Variants in LAMC1 observed in about 807,000 individuals in gnomAD.
LAMC1 encodes the protein laminin subunit gamma 1, also known as laminin subunit gamma-1.
Under a neutral mutation model 173.6 loss-of-function variants are expected in LAMC1, and 38 were observed. The ratio of observed to expected loss-of-function variants is 0.22; its 90% CI spans 0.17 to 0.29. LAMC1 has a LOEUF of 0.29. LAMC1 is among the 10% of genes least tolerant of loss of function. LAMC1 has a pLI of 1.00. For synonymous variants in LAMC1, 746 were observed against 749.1 expected, an observed-to-expected ratio of 1.00 and a Z score of 0.07; for missense variants, 1,824 against 2,051.8, an observed-to-expected ratio of 0.89 and a Z score of 2.14.
intron 11 of LAMC1, among the ~76,000 whole-genome samples, chr1:183,119,973 G>C (rs116275554): frequency 0.027 from 4,103 of 151,636 alleles, 206 homozygotes; most frequent in African/African-American, 0.095. Context: ...GTGTTCAAGA[G>C]CAGCCTGGGC....
chr1:183,067,722 C>G (rs1654910895), intron 1 of LAMC1, among the ~76,000 whole-genome samples: 1 of 152,090 alleles, frequency 6.6e-6, no homozygotes, highest in Non-Finnish European at 1.5e-5. Flanking sequence ...AAACTCCTGA[C>G]CTCGTTATCC....
At chr1:183,088,244 CTT>C (rs1214107949) in intron 1 of LAMC1, among the ~76,000 whole-genome samples, 3 of 152,178 alleles carry the variant, frequency 2.0e-5, no homozygotes, top group African/African-American at 7.2e-5. Context: ...AAAATATCGT[CTT>C]GTTTTAGAAT....
At chr1:183,133,261 A>G in intron 21 of LAMC1, 145 bp from the exon 22 acceptor site, 1 of 718,230 alleles carries the variant, frequency 1.4e-6, no homozygotes, top group South Asian at 2.0e-5. Context: ...AATATGCAAA[A>G]TGTTGGTATT....
chr1:183,124,213 C>T (rs1338796155), intron 13 of LAMC1, among the ~76,000 whole-genome samples: 1 of 152,230 alleles, frequency 6.6e-6, no homozygotes, highest in Non-Finnish European at 1.5e-5. Flanking sequence ...AATGGTTCTG[C>T]TCACCCTGTT....
intron 8 of LAMC1, 30 bp downstream of exon 8, chr1:183,116,933 AG>A: frequency 6.3e-7 from 1 of 1,579,732 alleles, no homozygotes; most frequent in Admixed American, 1.8e-5. Flanking sequence ...CCAACCTGTT[AG>A]AACTGTGAGA....
At position 183,121,761 on chromosome 1, in the gene LAMC1, C is replaced by G. The variant is rs151025622; in HGVS notation, c.2029C>G (p.Arg677Gly). ...GGATGATGTCACCCTGGCAAGTGCT[C>G]GTCCTGGGCCTGGAGTCCCTGCAAC... Reference protein sequence around the residue: ...YLDDVTLASARPGPGVPATWV... With the variant: ...YLDDVTLASAGPGPGVPATWV... Residue 677 changes from arginine to glycine, a missense_variant, in exon 12 of 28, where the codon CGT becomes GGT. Arg to Gly is a moderately radical substitution (Grantham distance 125). Transcript: ENST00000258341. 9 of 1,614,122 alleles carry G rather than the reference C, an allele frequency of 5.6e-6. No homozygotes were observed. The highest frequency in any genetic ancestry group is 7.6e-6 in the Non-Finnish European group (9 of 1,179,996).
At chr1:183,141,765 A>C (rs1466425955) in intron 27 of LAMC1, among the ~76,000 whole-genome samples, 1 of 152,226 alleles carries the variant, frequency 6.6e-6, no homozygotes, top group African/African-American at 2.4e-5. Context: ...GACTTTTAAC[A>C]TTAGTCTGAC....
chr1:183,079,544 C>T (rs980366018), intron 1 of LAMC1, among the ~76,000 whole-genome samples: 3 of 152,130 alleles, frequency 2.0e-5, no homozygotes, highest in Non-Finnish European at 2.9e-5. Flanking sequence ...TCACCTTCCT[C>T]AGCCTCCCAA....
At chr1:183,059,468 C>G (rs1447734435) in intron 1 of LAMC1, among the ~76,000 whole-genome samples, 1 of 152,134 alleles carries the variant, frequency 6.6e-6, no homozygotes, top group East Asian at 1.9e-4. Flanking sequence ...TTGCAGTAAG[C>G]CAAGATCATG....
intron 1 of LAMC1, among the ~76,000 whole-genome samples, chr1:183,064,912 G>A (rs748881027): frequency 6.6e-5 from 10 of 152,086 alleles, no homozygotes; most frequent in Non-Finnish European, 1.0e-4. Flanking sequence ...CCACTGCAGG[G>A]TGCACTCACA....
Position 183,114,639 on chromosome 1 carries a change from C to T in LAMC1, c.1130C>T (p.Ala377Val). 6.2e-7 allele frequency: 1 copy of T among 1,614,178 alleles called. No individual in the cohort carries two copies. The highest frequency in any genetic ancestry group is 8.5e-7 in the Non-Finnish European group (1 of 1,180,036). Residue 377 changes from alanine to valine, a missense_variant, in exon 5 of 28, where the codon GCC becomes GTC. Transcript: ENST00000258341. ...CTNCQDNTDG[A>V]HCERCRENFF... ...AACTGCCAGGATAACACAGATGGCG[C>T]CCACTGTGAGAGGTGCCGAGAGAAC...
chr1:183,111,429 G>A (rs10911248), intron 4 of LAMC1, among the ~76,000 whole-genome samples: 78,464 of 151,600 alleles, frequency 0.52, 20,920 homozygotes, highest in South Asian at 0.65. Flanking sequence ...TTATCTCACT[G>A]AAGAGTACAA....
chr1:183,104,089 A>C (rs1307516953), intron 2 of LAMC1, among the ~76,000 whole-genome samples: 1 of 152,228 alleles, frequency 6.6e-6, no homozygotes, highest in Non-Finnish European at 1.5e-5. Flanking sequence ...ATATTTAAGA[A>C]TGCCATCTTC....
chr1:183,084,186 CA>C (rs1655362400), intron 1 of LAMC1, among the ~76,000 whole-genome samples: 5 of 151,948 alleles, frequency 3.3e-5, no homozygotes, highest in Admixed American at 3.3e-4. Context: ...GTAAAAAATA[CA>C]AAAAATTAGC....
rs751889648 is a variant in LAMC1, at chr1:183,117,442, GGTAA to G, written c.1687+6_1687+9del. On this transcript the variant is annotated splice_donor_variant and splice_donor_region_variant and intron_variant, in intron 9 of 27. Transcript: ENST00000258341. LOFTEE classifies it high-confidence loss of function. ...CTTTCCTCGGTACTTCATTGCTCCT[GGTAA>G]GTAAGGCTAGAAAGCAGTCTGACCT... The G allele has an allele frequency of 6.2e-7, 1 of 1,612,800 alleles. No individual in the cohort carries two copies. The highest frequency in any genetic ancestry group is 2.2e-5 in the East Asian group (1 of 44,832).
At chr1:183,133,663 AG>A in intron 22 of LAMC1, 113 bp downstream of exon 22, 1 of 1,107,480 alleles carries the variant, frequency 9.0e-7, no homozygotes. Context: ...GGTAAAGTTG[AG>A]TCTTATTTCA....
At chr1:183,139,503 A>G (rs1347698385) in intron 26 of LAMC1, among the ~76,000 whole-genome samples, 1 of 152,218 alleles carries the variant, frequency 6.6e-6, no homozygotes, top group Non-Finnish European at 1.5e-5. Context: ...GATGCTCAAT[A>G]AGGACAGCTG....
At chr1:183,063,005 C>T (rs759182278) in intron 1 of LAMC1, among the ~76,000 whole-genome samples, 9 of 152,066 alleles carry the variant, frequency 5.9e-5, no homozygotes, top group Admixed American at 5.9e-4. Context: ...TAGTGACATC[C>T]ACAGTAGTTA....
At chr1:183,085,448 G>C (rs1252687170) in intron 1 of LAMC1, among the ~76,000 whole-genome samples, 1 of 151,844 alleles carries the variant, frequency 6.6e-6, no homozygotes, top group East Asian at 1.9e-4. Flanking sequence ...CTGCAGCCTC[G>C]ACCTCCCAGG....
Sources: gnomAD v4.1 joint callset for allele counts (sites outside exome capture counted in the v4.1 genomes callset) on GRCh38, gnomAD v4.1.1 for gene constraint, MANE v1.5 for transcripts, NCBI Gene and HGNC (gene_info 2026-07-23, HGNC 2026-07-21) for gene names.